The following JAK2 variants were observed in gnomAD, a reference collection of about 807,000 sequenced individuals.
JAK2 encodes the protein Janus kinase 2.
JAK2 carries 86 observed loss-of-function variants against 139.3 expected under a neutral mutation model. The observed-to-expected ratio is 0.62, with a 90% confidence interval of 0.52 to 0.74. The LOEUF is 0.74. JAK2 is among the 30% of genes least tolerant of loss of function. The probability of loss-of-function intolerance (pLI) is 0.00; values close to 1 mark genes in which losing one functional copy is unlikely to be tolerated. For synonymous variants in JAK2, 490 were observed against 437.7 expected, an observed-to-expected ratio of 1.12 and a Z score of -1.49; for missense variants, 1,421 against 1,360.3, an observed-to-expected ratio of 1.04 and a Z score of -0.70.
intron 2 of JAK2, among the ~76,000 whole-genome samples, chr9:4,998,908 G>A (rs1184489423): frequency 1.3e-5 from 2 of 151,876 alleles, no homozygotes; most frequent in African/African-American, 2.4e-5. Context: ...TGCAAGCTCC[G>A]CCTCCCGGGT....
chr9:5,087,819 T>C (rs1423071189), intron 19 of JAK2, among the ~76,000 whole-genome samples: 1 of 152,222 alleles, frequency 6.6e-6, no homozygotes, highest in African/African-American at 2.4e-5. Flanking sequence ...AATAGAGATG[T>C]ACACAAATAT....
rs1040990182 is a variant in JAK2 at position 5,129,851 on chromosome 9, T to C, written c.*3060T>C. Among the ~76,000 whole-genome samples the C allele has an allele frequency of 6.6e-6, 1 of 152,204 alleles. No homozygotes were observed. Among genetic ancestry groups the C allele is most frequent in the African/African-American group, 2.4e-5 (1 of 41,476 alleles). ...TAACTTTTTACATTAATCAGATTCT[T>C]AGTAAAATGCAGACTGTATACCTAA... On this transcript the variant is annotated 3_prime_UTR_variant, in exon 25 of 25. Coordinates refer to ENST00000381652, the MANE Select transcript of JAK2 (RefSeq NM_004972.4).
chr9:5,113,181 C>A (rs1256362358), intron 22 of JAK2, among the ~76,000 whole-genome samples: 1 of 125,824 alleles, frequency 7.9e-6, no homozygotes, highest in Non-Finnish European at 1.6e-5. Flanking sequence ...GTTGTCTGGG[C>A]TGGCAGGAGC....
At chr9:5,082,634 A>G (rs1819785720) in intron 19 of JAK2, among the ~76,000 whole-genome samples, 1 of 152,246 alleles carries the variant, frequency 6.6e-6, no homozygotes, top group South Asian at 2.1e-4. Context: ...CCACGAGGCC[A>G]TATTTCAGAC....
chr9:5,041,286 C>G (rs1293811187), intron 4 of JAK2: 1 of 1,024,874 alleles, frequency 9.8e-7, no homozygotes, highest in East Asian at 2.4e-5. Flanking sequence ...AAGGGGTACA[C>G]TGGTCTCAGG....
intron 22 of JAK2, among the ~76,000 whole-genome samples, chr9:5,117,973 A>AATTG (rs1823332526): frequency 6.6e-6 from 1 of 152,216 alleles, no homozygotes; most frequent in African/African-American, 2.4e-5. Context: ...CACATTTTTA[A>AATTG]ATTGATAGCT....
intron 23 of JAK2, among the ~76,000 whole-genome samples, chr9:5,123,362 A>C (rs902178201): frequency 6.6e-6 from 1 of 151,906 alleles, no homozygotes; most frequent in Non-Finnish European, 1.5e-5. Flanking sequence ...TTCTACGTTC[A>C]TGTGTATACA....
intron 3 of JAK2, among the ~76,000 whole-genome samples, chr9:5,027,718 T>C (rs1417902880): frequency 1.3e-5 from 2 of 152,236 alleles, no homozygotes; most frequent in Non-Finnish European, 2.9e-5. Flanking sequence ...ATAAATCCTT[T>C]GTTGTCATTT....
At chr9:5,102,309 A>C (rs1821564106) in intron 22 of JAK2, among the ~76,000 whole-genome samples, 1 of 152,224 alleles carries the variant, frequency 6.6e-6, no homozygotes, top group Admixed American at 6.5e-5. Flanking sequence ...AGATCAAATT[A>C]ATGAAATAAA....
chr9:5,089,956 A>C, intron 20 of JAK2, 93 bp downstream of exon 20: 1 of 791,250 alleles, frequency 1.3e-6, no homozygotes, highest in Non-Finnish European at 1.8e-6. Flanking sequence ...ATCTGGACTT[A>C]TGCCAATGCC....
intron 4 of JAK2, among the ~76,000 whole-genome samples, chr9:5,038,195 A>G (rs780317411): frequency 6.6e-6 from 1 of 152,212 alleles, no homozygotes; most frequent in African/African-American, 2.4e-5. Context: ...TAGAGGATCA[A>G]GATGAAATGG....
intron 19 of JAK2, among the ~76,000 whole-genome samples, chr9:5,086,327 C>T (rs1193414691): frequency 6.6e-6 from 1 of 152,158 alleles, no homozygotes; most frequent in Non-Finnish European, 1.5e-5. Context: ...TATCCTTTAC[C>T]TTCTCGCTTC....
chr9:5,047,831 C>G (rs1013949878), intron 5 of JAK2, among the ~76,000 whole-genome samples: 1 of 152,030 alleles, frequency 6.6e-6, no homozygotes, highest in African/African-American at 2.4e-5. Flanking sequence ...AAACACCTGG[C>G]TTCAAATGAT....
intron 2 of JAK2, among the ~76,000 whole-genome samples, chr9:5,009,874 C>T (rs1258944060): frequency 6.6e-6 from 1 of 151,818 alleles, no homozygotes; most frequent in Non-Finnish European, 1.5e-5. Context: ...AAGCTTAAGC[C>T]GTCCTCCCAT....
At chr9:5,030,726 G>A (rs1395138360) in intron 4 of JAK2, among the ~76,000 whole-genome samples, 1 of 151,862 alleles carries the variant, frequency 6.6e-6, no homozygotes, top group African/African-American at 2.4e-5. Context: ...CTATCACTTG[G>A]TGCTCTCTCA....
Position 5,029,997 on chromosome 9 carries a change from C to G in JAK2, c.350+91C>G, listed in dbSNP as rs1014579311. 1.1e-5 allele frequency: 12 copies of G among 1,110,872 alleles called. No homozygotes were observed. The African/African-American group carries it at 1.3e-4, about 12-fold the overall frequency. The allele number at this position is 1,110,872 out of a possible 1,614,324, so 68.8% of individuals were successfully genotyped here. On this transcript the variant is annotated intron_variant, in intron 4 of 24. Transcript: ENST00000381652. ...TTTTTAATTGCAAGGTACTTAATACCAGATACCTGAACCAATTAGTTAGCA... is the reference window on the plus strand; with the variant it reads ...TTTTTAATTGCAAGGTACTTAATACGAGATACCTGAACCAATTAGTTAGCA...
chr9:5,089,925 T>A, intron 20 of JAK2, 62 bp downstream of exon 20: 1 of 1,151,756 alleles, frequency 8.7e-7, no homozygotes, highest in Non-Finnish European at 1.2e-6. Flanking sequence ...CTGTGTAATA[T>A]AAATGTACAA....
Position 5,001,270 on chromosome 9 carries a change from C to G in JAK2, c.-26+15248C>G, listed in dbSNP as rs147053810. On this transcript the variant is annotated intron_variant, in intron 2 of 24. Transcript: ENST00000381652. ...GGTGGTGAGCATCCTTTCCTTGTTCCTGATTTTATGGAGAAAGCATTCAAT... is the reference window on the plus strand; with the variant it reads ...GGTGGTGAGCATCCTTTCCTTGTTCGTGATTTTATGGAGAAAGCATTCAAT... Among the ~76,000 whole-genome samples the G allele has an allele frequency of 8.5e-4, 130 of 152,138 alleles. 1 individual carries two copies. The highest frequency in any genetic ancestry group is 2.9e-3 in the African/African-American group (120 of 41,522).
intron 19 of JAK2, among the ~76,000 whole-genome samples, chr9:5,084,014 T>G (rs760862691): frequency 7.8e-4 from 119 of 152,282 alleles, no homozygotes; most frequent in Non-Finnish European, 1.6e-3. Flanking sequence ...ATAATTTATT[T>G]ACAACATTCC....
Sources: allele counts gnomAD v4.1 joint callset (sites outside exome capture counted in the v4.1 genomes callset), GRCh38; gene constraint gnomAD v4.1.1; transcripts MANE v1.5; gene names NCBI Gene and HGNC (gene_info 2026-07-23, HGNC 2026-07-21).